The following DPF2 variants were observed in gnomAD, a reference collection of about 807,000 sequenced individuals.
The protein encoded by DPF2 is zinc finger protein ubi-d4.
DPF2 carries 10 observed loss-of-function variants against 59.6 expected under a neutral mutation model. That is an observed-to-expected ratio of 0.17 (90% CI 0.10 to 0.28). The LOEUF is 0.28. Among genes scored for constraint, DPF2 ranks in the 10% least tolerant of loss-of-function variants. The probability of loss-of-function intolerance (pLI) is 1.00; values close to 1 mark genes in which losing one functional copy is unlikely to be tolerated. For synonymous variants in DPF2, 189 were observed against 190.6 expected (o/e 0.99, Z 0.07); for missense variants, 315 against 509.4 (o/e 0.62, Z 3.67).
chr11:65,343,370 T>A, intron 4 of DPF2: 1 of 170,150 alleles, frequency 5.9e-6, no homozygotes, highest in Non-Finnish European at 1.2e-5. Flanking sequence ...TAATTTAAAC[T>A]AGGAGGCGAG....
chr11:65,344,567 TTCTG>T, intron 6 of DPF2: 1 of 1,535,918 alleles, frequency 6.5e-7, no homozygotes, highest in Non-Finnish European at 8.7e-7. Flanking sequence ...TGACTTTTCT[TTCTG>T]TCTTTCAGAT....
intron 9 of DPF2, 107 bp from the exon 10 acceptor site, chr11:65,348,743 T>TCTGTTCTTAC: frequency 9.7e-7 from 1 of 1,033,152 alleles, no homozygotes; most frequent in Non-Finnish European, 1.5e-6. Context: ...GATTCTCACA[T>TCTGTTCTTAC]CTGTTCTTAC....
intron 1 of DPF2, among the ~76,000 whole-genome samples, chr11:65,337,501 A>G (rs1381542266): frequency 3.1e-5 from 2 of 65,148 alleles, no homozygotes; most frequent in African/African-American, 6.6e-5. Context: ...ATATATATAT[A>G]TATAGAGAGA....
chr11:65,346,439 T>G, intron 9 of DPF2, 80 bp downstream of exon 9: 1 of 1,320,278 alleles, frequency 7.6e-7, no homozygotes, highest in Non-Finnish European at 1.0e-6. Context: ...TAAAGTGAGC[T>G]TTCTTTTAAA....
intron 9 of DPF2, chr11:65,348,497 C>T (rs184014113): frequency 1.0e-5 from 2 of 198,358 alleles, no homozygotes; most frequent in Admixed American, 1.2e-4. Flanking sequence ...AGGAGGATCA[C>T]TTGGGCCCAG....
At position 65,340,608 on chromosome 11, in the gene DPF2, T is replaced by G. The variant is rs1052524096; in HGVS notation, c.193+63T>G. 5 of 1,587,846 alleles carry G rather than the reference T, an allele frequency of 3.1e-6. No homozygotes were observed. In the African/African-American group the frequency reaches 6.8e-5, roughly 21 times the overall value. Reference sequence around the variant, plus strand: ...ATAAGGAGGAAGAAGCCTCCTCATCTTAGGTGATGAGACAGTTGATAGGGT... The same window carrying G: ...ATAAGGAGGAAGAAGCCTCCTCATCGTAGGTGATGAGACAGTTGATAGGGT... On this transcript the variant is annotated intron_variant, in intron 2 of 10. Transcript: ENST00000528416.
Position 65,353,712 on chromosome 11 carries a change from C to T in DPF2, c.*1953C>T, listed in dbSNP as rs554148438. ...AGCAGTTATGGGCCCCCTGAAGTAT[C>T]CTTTTTTCTAGAACATTCTGAAAGT... On this transcript the variant is annotated 3_prime_UTR_variant, in exon 11 of 11. Coordinates refer to ENST00000528416, the MANE Select transcript of DPF2 (RefSeq NM_006268.5). Among the ~76,000 whole-genome samples, 1 of 152,314 alleles carries T rather than the reference C, an allele frequency of 6.6e-6. No individual in the cohort carries two copies. The highest frequency in any genetic ancestry group is 2.1e-4 in the South Asian group (1 of 4,830).
intron 6 of DPF2, chr11:65,345,399 GC>G (rs894909102): frequency 1.0e-5 from 5 of 488,936 alleles, no homozygotes; most frequent in African/African-American, 5.8e-5. Flanking sequence ...CAAGGGCTAA[GC>G]CCCCCAAAAG....
chr11:65,337,536 GAGAGAGAGAGA>G (rs1565527989), intron 1 of DPF2, among the ~76,000 whole-genome samples: 1 of 135,944 alleles, frequency 7.4e-6, no homozygotes, highest in African/African-American at 2.8e-5. Flanking sequence ...GAGAGAGAGA[GAGAGAGAGAGA>G]ACAATGTTAA....
At chr11:65,343,611 G>A (rs750980561) in intron 4 of DPF2, 134 bp from the exon 5 acceptor site, 37 of 727,906 alleles carry the variant, frequency 5.1e-5, no homozygotes, top group East Asian at 8.1e-5. Flanking sequence ...CTTGAAAGGC[G>A]TTGGTGAGGA....
rs1854784216 is a variant in DPF2, at chr11:65,353,521, C to T, written c.*1762C>T. On this transcript the variant is annotated 3_prime_UTR_variant, in exon 11 of 11. Coordinates refer to ENST00000528416, the MANE Select transcript of DPF2 (RefSeq NM_006268.5). Reference sequence around the variant, plus strand: ...CAAGTGCTCTAGGATCTGAACTGCCCGCAGTGCAGCCCTGCAGCCTTTCCC... The same window carrying T: ...CAAGTGCTCTAGGATCTGAACTGCCTGCAGTGCAGCCCTGCAGCCTTTCCC... Among the ~76,000 whole-genome samples the T allele has an allele frequency of 1.3e-5, 2 of 152,210 alleles. No individual in the cohort carries two copies. Among genetic ancestry groups the T allele is most frequent in the Non-Finnish European group, 2.9e-5 (2 of 68,030 alleles).
chr11:65,338,538 A>G (rs899135946), intron 1 of DPF2, among the ~76,000 whole-genome samples: 1 of 152,072 alleles, frequency 6.6e-6, no homozygotes, highest in East Asian at 1.9e-4. Context: ...GCCGCACTCA[A>G]CCTTGTTTAT....
chr11:65,341,849 C>T, intron 4 of DPF2: 1 of 237,850 alleles, frequency 4.2e-6, no homozygotes, highest in Non-Finnish European at 8.3e-6. Context: ...GTGGCTCATG[C>T]CTGTAATCCC....
chr11:65,343,446 C>T (rs1383422895), intron 4 of DPF2: 1 of 397,384 alleles, frequency 2.5e-6, no homozygotes, highest in Non-Finnish European at 4.6e-6. Context: ...GAGGGCATGG[C>T]TGCTTGTGGC....
In DPF2 at chr11:65,353,555, T is replaced by C. The variant is rs1854785376; in HGVS notation, c.*1796T>C. Among the ~76,000 whole-genome samples the C allele has an allele frequency of 1.3e-5, 2 of 152,202 alleles. No homozygotes were observed. The highest frequency in any genetic ancestry group is 4.8e-5 in the African/African-American group (2 of 41,452). ...GCCCTGCAGCCTTTCCCAGGGCACGTTGATGTGCACACAGTTTCCCTGAAG... is the reference window on the plus strand; with the variant it reads ...GCCCTGCAGCCTTTCCCAGGGCACGCTGATGTGCACACAGTTTCCCTGAAG... On this transcript the variant is annotated 3_prime_UTR_variant, in exon 11 of 11. Transcript: ENST00000528416.
intron 1 of DPF2, among the ~76,000 whole-genome samples, chr11:65,339,785 G>C (rs756854547): frequency 2.0e-5 from 3 of 152,088 alleles, no homozygotes; most frequent in Non-Finnish European, 4.4e-5. Context: ...TTTGCTTTTT[G>C]TCCCTAGTTA....
intron 4 of DPF2, 30 bp downstream of exon 4, chr11:65,341,592 C>T: frequency 1.2e-6 from 2 of 1,609,064 alleles, no homozygotes; most frequent in Non-Finnish European, 1.7e-6. Flanking sequence ...GCTAAGGGAG[C>T]TTTGATGGAA....
intron 10 of DPF2, among the ~76,000 whole-genome samples, chr11:65,350,436 A>G (rs892556199): frequency 1.5e-5 from 2 of 137,230 alleles, no homozygotes; most frequent in African/African-American, 2.8e-5. Context: ...GTGGAGTGGC[A>G]TGATCTCAGC....
At chr11:65,342,154 A>G (rs530235056) in intron 4 of DPF2, among the ~76,000 whole-genome samples, 9 of 151,958 alleles carry the variant, frequency 5.9e-5, no homozygotes, top group East Asian at 3.9e-4. Context: ...GAAATACCAC[A>G]TACTCTTTAC....
Sources: gnomAD v4.1 joint callset for allele counts (sites outside exome capture counted in the v4.1 genomes callset) on GRCh38, gnomAD v4.1.1 for gene constraint, MANE v1.5 for transcripts, NCBI Gene and HGNC (gene_info 2026-07-23, HGNC 2026-07-21) for gene names.